HS3ST5: variants seen among roughly 807,000 people sequenced by gnomAD.
HS3ST5 encodes the protein heparan sulfate glucosamine 3-O-sulfotransferase 5.
A neutral mutation model predicts 25.4 loss-of-function variants in HS3ST5; 10 were observed. The observed-to-expected ratio is 0.39, with a 90% confidence interval of 0.24 to 0.67. The LOEUF (loss-of-function observed/expected upper bound fraction) is 0.67. HS3ST5 is among the 30% of genes least tolerant of loss of function. The pLI, the probability that HS3ST5 is intolerant of heterozygous loss-of-function variation, is 0.44. For synonymous variants in HS3ST5, 170 were observed against 162.4 expected, an observed-to-expected ratio of 1.05 and a Z score of -0.36; for missense variants, 324 against 420.7, an observed-to-expected ratio of 0.77 and a Z score of 2.01.
At chr6:114,205,992 T>C (rs1215125632) in intron 2 of HS3ST5, among the ~76,000 whole-genome samples, 1 of 152,160 alleles carries the variant, frequency 6.6e-6, no homozygotes, top group African/African-American at 2.4e-5. Context: ...ACCAGGGGGT[T>C]GGGGACCCCT....
At chr6:114,163,354 T>G (rs1378893624) in intron 3 of HS3ST5, among the ~76,000 whole-genome samples, 2 of 152,092 alleles carry the variant, frequency 1.3e-5, no homozygotes, top group Admixed American at 1.3e-4. Flanking sequence ...CTGAATATCA[T>G]AAAGCTCGGT....
At chr6:114,228,563 G>A (rs1218571685) in intron 2 of HS3ST5, 22 bp downstream of exon 2, 1 of 151,846 alleles carries the variant, frequency 6.6e-6, no homozygotes, top group Admixed American at 6.6e-5. Flanking sequence ...TATGTGTGGT[G>A]GTACCCCCTA....
intron 3 of HS3ST5, among the ~76,000 whole-genome samples, chr6:114,093,371 G>T (rs201067636): frequency 8.8e-6 from 1 of 113,374 alleles, no homozygotes; most frequent in East Asian, 2.6e-4. Flanking sequence ...GTGTGTGTGT[G>T]TGTGTGTGTG....
intron 3 of HS3ST5, among the ~76,000 whole-genome samples, chr6:114,139,129 G>C (rs1582642817): frequency 6.6e-6 from 1 of 152,276 alleles, no homozygotes; most frequent in East Asian, 1.9e-4. Context: ...TCTTTGCCCT[G>C]TTGCCTTGAT....
At chr6:114,231,254 C>T (rs1771575281) in intron 1 of HS3ST5, 1 of 152,164 alleles carries the variant, frequency 6.6e-6, no homozygotes, top group Non-Finnish European at 1.5e-5. Context: ...ATAGCACTAT[C>T]AGTCATCAGC....
intron 3 of HS3ST5, among the ~76,000 whole-genome samples, chr6:114,115,505 T>A (rs916061120): frequency 1.3e-5 from 2 of 152,026 alleles, no homozygotes; most frequent in Admixed American, 1.3e-4. Context: ...AATGACATAG[T>A]GTTAACCTCT....
At chr6:114,172,593 T>C (rs1010022688) in intron 2 of HS3ST5, among the ~76,000 whole-genome samples, 10 of 152,242 alleles carry the variant, frequency 6.6e-5, no homozygotes, top group Admixed American at 2.6e-4. Context: ...AAATGCCATC[T>C]GGTTTCCCAT....
chr6:114,256,402 A>C (rs1482208070), intron 1 of HS3ST5, among the ~76,000 whole-genome samples: 1 of 151,704 alleles, frequency 6.6e-6, no homozygotes, highest in Non-Finnish European at 1.5e-5. Flanking sequence ...AAAAAAAACA[A>C]AAAAAAACAA....
chr6:114,107,478 A>G (rs1200414519), intron 3 of HS3ST5, among the ~76,000 whole-genome samples: 3 of 152,238 alleles, frequency 2.0e-5, no homozygotes, highest in African/African-American at 7.2e-5. Flanking sequence ...CAGGAAGAAG[A>G]CAACGTCTGT....
chr6:114,209,382 G>A (rs1467429839), intron 2 of HS3ST5, among the ~76,000 whole-genome samples: 12 of 149,834 alleles, frequency 8.0e-5, no homozygotes, highest in Admixed American at 8.0e-4. Context: ...TTTTAACAAT[G>A]TTCCTGTGCA....
At chr6:114,102,207 T>G (rs1046488625) in intron 3 of HS3ST5, among the ~76,000 whole-genome samples, 1 of 152,176 alleles carries the variant, frequency 6.6e-6, no homozygotes, top group African/African-American at 2.4e-5. Context: ...AAATAAAAGT[T>G]TAAAGAATGT....
intron 2 of HS3ST5, among the ~76,000 whole-genome samples, chr6:114,194,797 ACTC>A (rs1780663230): frequency 1.3e-5 from 2 of 151,618 alleles, no homozygotes; most frequent in Admixed American, 1.3e-4. Context: ...AATATTTATG[ACTC>A]CTCCTATAGT....
At position 114,063,293 on chromosome 6, in the gene HS3ST5, T is replaced by C. The variant is rs372963130; in HGVS notation, c.-32-416A>G. ...ACTTTGGGAGGCCAAGGCGGGTGGA[T>C]CACCTGAGGTCAGGAGTTCAAGACC... On this transcript the variant is annotated intron_variant, in intron 3 of 4. Coordinates refer to ENST00000312719, the MANE Select transcript of HS3ST5 (RefSeq NM_153612.4). 2.4e-4 allele frequency among the ~76,000 whole-genome samples: 37 copies of C among 152,216 alleles called. 1 individual carries two copies. The East Asian group carries it at 7.0e-3, about 29-fold the overall frequency.
chr6:114,220,966 A>T (rs1455249828), intron 2 of HS3ST5, among the ~76,000 whole-genome samples: 1 of 152,052 alleles, frequency 6.6e-6, no homozygotes, highest in Non-Finnish European at 1.5e-5. Context: ...TAGGCAATGA[A>T]AAATCTCAAG....
chr6:114,076,074 A>C (rs1246060234), intron 3 of HS3ST5, among the ~76,000 whole-genome samples: 2 of 152,224 alleles, frequency 1.3e-5, no homozygotes, highest in Non-Finnish European at 2.9e-5. Context: ...TGTGAGGTGA[A>C]GAGGACAGTA....
chr6:114,083,432 T>C (rs547379361), intron 3 of HS3ST5, among the ~76,000 whole-genome samples: 2 of 150,310 alleles, frequency 1.3e-5, no homozygotes, highest in African/African-American at 4.9e-5. Context: ...GGGATGGGAG[T>C]GGGGGAGTGG....
intron 3 of HS3ST5, among the ~76,000 whole-genome samples, chr6:114,133,813 G>A (rs1189271117): frequency 6.6e-6 from 1 of 152,158 alleles, no homozygotes; most frequent in Non-Finnish European, 1.5e-5. Flanking sequence ...TTGAGATAGG[G>A]TGCAGGGGCT....
intron 1 of HS3ST5, among the ~76,000 whole-genome samples, chr6:114,240,511 G>C (rs1251048666): frequency 6.6e-6 from 1 of 152,098 alleles, no homozygotes; most frequent in Non-Finnish European, 1.5e-5. Context: ...AATATTATTT[G>C]GAAAAGTTAA....
chr6:114,194,759 T>C (rs138747150), intron 2 of HS3ST5, among the ~76,000 whole-genome samples: 44 of 152,324 alleles, frequency 2.9e-4, no homozygotes, highest in African/African-American at 9.9e-4. Context: ...GAAGCTCAGT[T>C]GCACATGGGC....
Sources: gnomAD v4.1 joint callset for allele counts (sites outside exome capture counted in the v4.1 genomes callset) on GRCh38, gnomAD v4.1.1 for gene constraint, MANE v1.5 for transcripts, NCBI Gene and HGNC (gene_info 2026-07-23, HGNC 2026-07-21) for gene names.